Variants in ATRN observed in about 807,000 individuals in gnomAD.
ATRN encodes attractin.
Under a neutral mutation model 178.7 loss-of-function variants are expected in ATRN, and 54 were observed. The ratio of observed to expected loss-of-function variants is 0.30; its 90% CI spans 0.24 to 0.38. ATRN has a LOEUF of 0.38. Ranked by LOEUF, ATRN falls within the 10% of genes least tolerant of loss-of-function variation. The pLI is 1.00. For synonymous variants in ATRN, 636 were observed against 663.0 expected (o/e 0.96, Z 0.63); for missense variants, 1,443 against 1,815.1 (o/e 0.79, Z 3.73).
chr20:3,633,527 C>G (rs1367875718), intron 25 of ATRN, among the ~76,000 whole-genome samples: 1 of 152,202 alleles, frequency 6.6e-6, no homozygotes, highest in Non-Finnish European at 1.5e-5. Flanking sequence ...ATGTAGCACT[C>G]TGGAAAAATA....
intron 24 of ATRN, among the ~76,000 whole-genome samples, chr20:3,612,524 T>C (rs2086780684): frequency 1.3e-5 from 2 of 152,160 alleles, no homozygotes; most frequent in South Asian, 2.1e-4. Context: ...TTCTCCCTGC[T>C]GTAGGCTGCA....
At chr20:3,561,996 G>A (rs956878560) in intron 8 of ATRN, among the ~76,000 whole-genome samples, 6 of 152,196 alleles carry the variant, frequency 3.9e-5, no homozygotes, top group Non-Finnish European at 7.3e-5. Context: ...AAAGTGCTGG[G>A]ATTACACATG....
At chr20:3,480,525 A>G (rs1453735763) in intron 1 of ATRN, among the ~76,000 whole-genome samples, 1 of 152,166 alleles carries the variant, frequency 6.6e-6, no homozygotes, top group Non-Finnish European at 1.5e-5. Flanking sequence ...TGGTTTGTGA[A>G]GTACTGCAGT....
At chr20:3,630,405 G>A (rs953211509) in intron 25 of ATRN, among the ~76,000 whole-genome samples, 11 of 152,140 alleles carry the variant, frequency 7.2e-5, no homozygotes, top group Admixed American at 5.2e-4. Flanking sequence ...TAAGATATTT[G>A]TGGGAAGTAA....
chr20:3,542,532 C>G (rs890139577), intron 3 of ATRN, among the ~76,000 whole-genome samples: 23 of 149,226 alleles, frequency 1.5e-4, no homozygotes, highest in Non-Finnish European at 3.0e-4. Flanking sequence ...ACTGTGTGAT[C>G]TAGAGGAACC....
At chr20:3,515,780 G>A (rs2085198511) in intron 1 of ATRN, among the ~76,000 whole-genome samples, 1 of 152,128 alleles carries the variant, frequency 6.6e-6, no homozygotes, top group Admixed American at 6.5e-5. Context: ...TAAAAGTATT[G>A]GGTGAAAGTT....
At chr20:3,594,606 A>G in intron 20 of ATRN, 34 bp downstream of exon 20, 1 of 1,563,578 alleles carries the variant, frequency 6.4e-7, no homozygotes, top group South Asian at 1.2e-5. Flanking sequence ...ACCAGGGAGG[A>G]CCAAGAGGCT....
chr20:3,485,599 AT>A (rs372355255), intron 1 of ATRN, among the ~76,000 whole-genome samples: 5 of 84,622 alleles, frequency 5.9e-5, no homozygotes, highest in African/African-American at 2.1e-4. Context: ...TTGCCAATAC[AT>A]TTTTTTGAGG....
In ATRN at chr20:3,624,446, G is replaced by A. The variant is rs970626537; in HGVS notation, c.3802-65G>A. 5 of 1,347,588 alleles carry A rather than the reference G, an allele frequency of 3.7e-6. No individual in the cohort carries two copies. The Admixed American group carries it at 9.0e-5, about 24-fold the overall frequency. 83.5% of individuals were successfully genotyped at this position (1,347,588 alleles called of 1,614,324 possible). A position where few individuals can be genotyped will look rare whatever the true frequency, so the allele number is the denominator to read the frequency against. The stretch of plus-strand genomic sequence containing the variant: ...CTGTTTTCAGCTTAACTCTTGAAAT[G>A]AGAAGCGTGAATCCGTGGTGGTTTC... On this transcript the variant is annotated intron_variant, in intron 24 of 28. Coordinates refer to ENST00000262919, the MANE Select transcript of ATRN (RefSeq NM_139321.3).
At chr20:3,568,768 T>G (rs992541283) in intron 11 of ATRN, among the ~76,000 whole-genome samples, 20 of 152,176 alleles carry the variant, frequency 1.3e-4, no homozygotes, top group Non-Finnish European at 2.2e-4. Flanking sequence ...CAACAGCACT[T>G]TAACTCATGC....
chr20:3,513,550 C>A (rs238696), intron 1 of ATRN, among the ~76,000 whole-genome samples: 92 of 152,252 alleles, frequency 6.0e-4, no homozygotes, highest in Admixed American at 2.3e-3. Flanking sequence ...TGTGATGCCT[C>A]CAGCTTTGTT....
Position 3,575,920 on chromosome 20 carries a change from C to T in ATRN, c.2186C>T (p.Pro729Leu). The change falls in exon 13 of 29, where the codon CCC (proline) becomes CTC (leucine). Residue 729 changes from proline (P) to leucine (L), a missense_variant. By Grantham distance (98) the Pro-to-Leu change is moderately conservative. Coordinates refer to ENST00000262919, the MANE Select transcript of ATRN (RefSeq NM_139321.3). ...DCHWCNDHCV[P>L]RNHSCSEGQI... ...CACTGGTGCAATGACCATTGTGTCC[C>T]CAGGAACCACAGCTGCTCAGAAGGC... is the stretch of plus-strand genomic sequence containing the variant. The T allele has an allele frequency of 6.2e-6, 10 of 1,614,058 alleles. No homozygotes were observed. The highest frequency in any genetic ancestry group is 1.3e-5 in the African/African-American group (1 of 75,030).
At chr20:3,512,678 G>T (rs1162226470) in intron 1 of ATRN, among the ~76,000 whole-genome samples, 1 of 152,042 alleles carries the variant, frequency 6.6e-6, no homozygotes, top group Non-Finnish European at 1.5e-5. Context: ...CTGAGGAATC[G>T]CCACACTGAC....
At chr20:3,490,127 G>A in intron 1 of ATRN, 1 of 1,480,252 alleles carries the variant, frequency 6.8e-7, no homozygotes, top group Non-Finnish European at 9.4e-7. Flanking sequence ...CAAACAAAGA[G>A]TTATCAAGTG....
chr20:3,512,364 T>G (rs1357212734), intron 1 of ATRN, among the ~76,000 whole-genome samples: 1 of 151,210 alleles, frequency 6.6e-6, no homozygotes, highest in Non-Finnish European at 1.5e-5. Context: ...TGTGTTTGGT[T>G]TTTTGTCCTT....
chr20:3,523,161 AC>A (rs1481989549), intron 1 of ATRN, among the ~76,000 whole-genome samples: 1 of 151,980 alleles, frequency 6.6e-6, no homozygotes, highest in African/African-American at 2.4e-5. Context: ...GAAGCTAAGA[AC>A]CTTGAAAAAA....
intron 24 of ATRN, among the ~76,000 whole-genome samples, chr20:3,608,979 G>GAAAAAAAAAAAAAAAAAAAAAAA (rs71195846): frequency 7.0e-6 from 1 of 142,080 alleles, no homozygotes; most frequent in Non-Finnish European, 1.5e-5. Flanking sequence ...AAAAAAAAAA[G>GAAAAAAAAAAAAAAAAAAAAAAA]AAAAAAAAAA....
At chr20:3,626,742 C>T (rs990110322) in intron 25 of ATRN, among the ~76,000 whole-genome samples, 21 of 151,048 alleles carry the variant, frequency 1.4e-4, no homozygotes, top group African/African-American at 4.9e-4. Flanking sequence ...TCAAACCATA[C>T]ATTGCATTTG....
chr20:3,625,711 A>G (rs895727196), intron 25 of ATRN, among the ~76,000 whole-genome samples: 2 of 152,026 alleles, frequency 1.3e-5, no homozygotes, highest in African/African-American at 4.8e-5. Context: ...CCTGCCCCCA[A>G]GTGCACTTGT....
Sources: gnomAD v4.1 joint callset for allele counts (sites outside exome capture counted in the v4.1 genomes callset) on GRCh38, gnomAD v4.1.1 for gene constraint, MANE v1.5 for transcripts, NCBI Gene and HGNC (gene_info 2026-07-23, HGNC 2026-07-21) for gene names.